OXCT1: variants seen among roughly 807,000 people sequenced by gnomAD.
The protein encoded by OXCT1 is 3-oxoacid CoA-transferase 1, also known as succinyl-CoA:3-ketoacid coenzyme A transferase 1, mitochondrial.
A neutral mutation model predicts 69.6 loss-of-function variants in OXCT1; 27 were observed. That is an observed-to-expected ratio of 0.39 (90% CI 0.29 to 0.54). The LOEUF (loss-of-function observed/expected upper bound fraction) is 0.54, where lower values mean the gene tolerates loss of function less well. Among genes scored for constraint, OXCT1 ranks in the 20% least tolerant of loss-of-function variants. The probability of loss-of-function intolerance (pLI) is 0.72; values close to 1 mark genes in which losing one functional copy is unlikely to be tolerated. For synonymous variants in OXCT1, 202 were observed against 217.8 expected, an observed-to-expected ratio of 0.93 and a Z score of 0.64; for missense variants, 437 against 650.2, an observed-to-expected ratio of 0.67 and a Z score of 3.57.
At chr5:41,752,904 A>G (rs1361694246) in intron 14 of OXCT1, among the ~76,000 whole-genome samples, 1 of 152,014 alleles carries the variant, frequency 6.6e-6, no homozygotes, top group East Asian at 1.9e-4. Flanking sequence ...CAGCGCTTAC[A>G]GGACTTGAGC....
intron 14 of OXCT1, among the ~76,000 whole-genome samples, chr5:41,751,526 C>T (rs902493847): frequency 1.3e-5 from 2 of 152,134 alleles, no homozygotes; most frequent in African/African-American, 2.4e-5. Context: ...GCCATGCCCC[C>T]CACTGTCTCT....
At chr5:41,764,749 A>G in intron 13 of OXCT1, among the ~76,000 whole-genome samples, 1 of 152,130 alleles carries the variant, frequency 6.6e-6, no homozygotes, top group Admixed American at 6.5e-5. Context: ...TAAACCAACA[A>G]AGGTATAACA....
At chr5:41,855,459 G>C (rs2112455252) in intron 3 of OXCT1, among the ~76,000 whole-genome samples, 1 of 152,304 alleles carries the variant, frequency 6.6e-6, no homozygotes, top group African/African-American at 2.4e-5. Context: ...CAGAAATGTA[G>C]TGATAAGGAC....
chr5:41,749,516 G>A lies in OXCT1; in HGVS notation c.1419+11C>T, dbSNP rs1579652621. 5 of 1,577,028 alleles carry A rather than the reference G, an allele frequency of 3.2e-6. No individual in the cohort carries two copies. In the East Asian group the frequency reaches 1.1e-4, roughly 35 times the overall value. On this transcript the variant is annotated intron_variant, in intron 15 of 16. Coordinates refer to ENST00000196371, the MANE Select transcript of OXCT1 (RefSeq NM_000436.4). ...TTAAAACATGGTAATAGTAGAAAAA[G>A]CACTTTTTACCTTTTCAGTAATAAT...
At chr5:41,832,266 G>C (rs1442795773) in intron 7 of OXCT1, among the ~76,000 whole-genome samples, 1 of 152,084 alleles carries the variant, frequency 6.6e-6, no homozygotes, top group Non-Finnish European at 1.5e-5. Flanking sequence ...ACCCACCACA[G>C]TCCCAGTGGT....
At chr5:41,821,293 C>T (rs767881466) in intron 7 of OXCT1, among the ~76,000 whole-genome samples, 3 of 152,150 alleles carry the variant, frequency 2.0e-5, no homozygotes, top group African/African-American at 2.4e-5. Flanking sequence ...AGTCAGTACA[C>T]AGTGCCAATA....
At chr5:41,793,644 C>T (rs1183340930) in intron 13 of OXCT1, among the ~76,000 whole-genome samples, 1 of 152,188 alleles carries the variant, frequency 6.6e-6, no homozygotes, top group Non-Finnish European at 1.5e-5. Flanking sequence ...ATTAACAACG[C>T]TAACAAACTT....
At chr5:41,820,305 A>G (rs953546381) in intron 7 of OXCT1, among the ~76,000 whole-genome samples, 3 of 152,212 alleles carry the variant, frequency 2.0e-5, no homozygotes, top group Non-Finnish European at 2.9e-5. Context: ...ATACTTTTAT[A>G]TATCACTGAG....
At chr5:41,849,902 AT>A in intron 5 of OXCT1, 127 bp downstream of exon 5, 1 of 943,594 alleles carries the variant, frequency 1.1e-6, no homozygotes, top group Non-Finnish European at 1.7e-6. Flanking sequence ...AATTTCACCT[AT>A]TTATGAAAAT....
chr5:41,802,545 G>A (rs1161479880), intron 10 of OXCT1, among the ~76,000 whole-genome samples: 1 of 152,028 alleles, frequency 6.6e-6, no homozygotes, highest in Non-Finnish European at 1.5e-5. Flanking sequence ...ACAGCTTTTT[G>A]AGGCAATCAA....
chr5:41,821,291 C>G (rs1244048389), intron 7 of OXCT1, among the ~76,000 whole-genome samples: 1 of 152,124 alleles, frequency 6.6e-6, no homozygotes, highest in Non-Finnish European at 1.5e-5. Context: ...AAAGTCAGTA[C>G]ACAGTGCCAA....
At chr5:41,789,733 G>A (rs1745823228) in intron 13 of OXCT1, among the ~76,000 whole-genome samples, 1 of 152,074 alleles carries the variant, frequency 6.6e-6, no homozygotes, top group East Asian at 1.9e-4. Flanking sequence ...GGACCAAATG[G>A]ACAATACACT....
At chr5:41,740,023 ATG>A (rs763679147) in intron 15 of OXCT1, among the ~76,000 whole-genome samples, 7 of 152,228 alleles carry the variant, frequency 4.6e-5, no homozygotes, top group Non-Finnish European at 7.3e-5. Context: ...CAGAAAATAA[ATG>A]AGCATTGACC....
At chr5:41,786,068 C>G (rs1745626984) in intron 13 of OXCT1, among the ~76,000 whole-genome samples, 1 of 152,114 alleles carries the variant, frequency 6.6e-6, no homozygotes, top group East Asian at 1.9e-4. Context: ...CAGGTTAATG[C>G]TTTGTCAACA....
intron 13 of OXCT1, among the ~76,000 whole-genome samples, chr5:41,766,096 A>G (rs1208904907): frequency 6.6e-6 from 1 of 152,136 alleles, no homozygotes; most frequent in Non-Finnish European, 1.5e-5. Flanking sequence ...TCATCAGCAA[A>G]CATACATTTC....
intron 14 of OXCT1, among the ~76,000 whole-genome samples, chr5:41,761,564 C>T (rs1744347599): frequency 6.6e-6 from 1 of 152,140 alleles, no homozygotes; most frequent in African/African-American, 2.4e-5. Flanking sequence ...ATGTAACAGG[C>T]ACTCAAATAT....
intron 5 of OXCT1, among the ~76,000 whole-genome samples, chr5:41,848,968 A>G (rs1749054099): frequency 6.6e-6 from 1 of 152,248 alleles, no homozygotes. Flanking sequence ...TCTGCACAGC[A>G]AAAGAAACTA....
chr5:41,867,742 C>A (rs755183685), intron 1 of OXCT1, among the ~76,000 whole-genome samples: 7 of 152,194 alleles, frequency 4.6e-5, no homozygotes, highest in Non-Finnish European at 1.0e-4. Context: ...GACTGCAGCT[C>A]AGGAGAGTCA....
chr5:41,821,138 T>C (rs901468769), intron 7 of OXCT1, among the ~76,000 whole-genome samples: 2 of 152,342 alleles, frequency 1.3e-5, no homozygotes, highest in Non-Finnish European at 2.9e-5. Context: ...GTAGTTTTGG[T>C]AAGCTAGAAA....
Sources: allele counts gnomAD v4.1 joint callset (sites outside exome capture counted in the v4.1 genomes callset), GRCh38; gene constraint gnomAD v4.1.1; transcripts MANE v1.5; gene names NCBI Gene and HGNC (gene_info 2026-07-23, HGNC 2026-07-21).